Variants in AHCYL2 observed in about 807,000 individuals in gnomAD.
AHCYL2 encodes the protein S-adenosylhomocysteine hydrolase-like protein 2.
In AHCYL2, 28 loss-of-function variants were observed where a neutral mutation model predicts 81.4. The observed-to-expected ratio is 0.34, with a 90% CI of 0.25 to 0.47. AHCYL2 has a LOEUF of 0.47. AHCYL2 is among the 20% of genes least tolerant of loss of function. AHCYL2 has a pLI of 1.00. For missense variants in AHCYL2, 551 were observed against 785.1 expected, an observed-to-expected ratio of 0.70 and a Z score of 3.56; for synonymous variants, 272 against 290.2, an observed-to-expected ratio of 0.94 and a Z score of 0.64.
chr7:129,361,293 G>A lies in AHCYL2; in HGVS notation c.364-18345G>A, dbSNP rs372440856. ...TCCAACACACACCAGGTAACTCCCC[G>A]CTTATCCTTTACCTTTCTGCTTAAA... On this transcript the variant is annotated intron_variant, in intron 1 of 16. Transcript: ENST00000325006. Among the ~76,000 whole-genome samples the A allele has an allele frequency of 1.1e-3, 167 of 152,186 alleles. 5 individuals are homozygous for A. In the South Asian group the frequency reaches 0.033, roughly 30 times the overall value.
chr7:129,295,763 T>A (rs1222545888), intron 1 of AHCYL2, among the ~76,000 whole-genome samples: 1 of 152,208 alleles, frequency 6.6e-6, no homozygotes, highest in Non-Finnish European at 1.5e-5. Context: ...ACTACAGGCA[T>A]CCTCAGAGGG....
chr7:129,297,560 T>C (rs1177929722), intron 1 of AHCYL2, among the ~76,000 whole-genome samples: 1 of 152,210 alleles, frequency 6.6e-6, no homozygotes, highest in Non-Finnish European at 1.5e-5. Context: ...TCTACGTAGC[T>C]CTGGACTACG....
intron 1 of AHCYL2, among the ~76,000 whole-genome samples, chr7:129,257,203 A>G (rs908623293): frequency 7.2e-5 from 11 of 152,244 alleles, no homozygotes; most frequent in African/African-American, 2.7e-4. Flanking sequence ...AAATGTATGC[A>G]GAAGTGTTTT....
chr7:129,343,745 G>A (rs1243150816), intron 1 of AHCYL2, among the ~76,000 whole-genome samples: 3 of 152,124 alleles, frequency 2.0e-5, no homozygotes, highest in Non-Finnish European at 2.9e-5. Context: ...TGACCTTGGG[G>A]TAGGCAAAAC....
rs528319939 is a variant in AHCYL2, at chr7:129,394,634, G to C, written c.721-2588G>C. ...CTAATTTTGTATTTTTAGTAGAGAT[G>C]GGGTTTCTCCATGTTGGTCAGGCTG... On this transcript the variant is annotated intron_variant, in intron 4 of 16. Coordinates refer to ENST00000325006, the MANE Select transcript of AHCYL2 (RefSeq NM_015328.4). 3.4e-4 allele frequency among the ~76,000 whole-genome samples: 51 copies of C among 151,964 alleles called. No individual in the cohort carries two copies. In the Middle Eastern group the frequency reaches 0.014, roughly 41 times the overall value.
chr7:129,330,202 A>G (rs1798368934), intron 1 of AHCYL2, among the ~76,000 whole-genome samples: 2 of 152,024 alleles, frequency 1.3e-5, no homozygotes. Context: ...GGTTTTCACT[A>G]TGTTGGGCTG....
intron 1 of AHCYL2, among the ~76,000 whole-genome samples, chr7:129,293,373 T>C (rs1460239647): frequency 6.6e-6 from 1 of 152,162 alleles, no homozygotes; most frequent in Non-Finnish European, 1.5e-5. Context: ...AACCAGAGTC[T>C]GGCCTTGAAA....
chr7:129,410,383 A>G, intron 11 of AHCYL2: 1 of 1,612,874 alleles, frequency 6.2e-7, no homozygotes, highest in South Asian at 1.1e-5. Context: ...TGAAGTCAAC[A>G]CTAAGGGCCA....
intron 1 of AHCYL2, among the ~76,000 whole-genome samples, chr7:129,273,516 C>T (rs903833362): frequency 5.3e-5 from 8 of 151,430 alleles, no homozygotes; most frequent in Admixed American, 2.0e-4. Context: ...TTAGTAGAGA[C>T]GAGGTTTCTC....
intron 1 of AHCYL2, among the ~76,000 whole-genome samples, chr7:129,309,638 C>T (rs937449596): frequency 6.6e-5 from 10 of 152,276 alleles, no homozygotes; most frequent in East Asian, 1.9e-4. Flanking sequence ...GGTTCTTGTC[C>T]GCTGCCAGCC....
At chr7:129,424,718 C>A in intron 13 of AHCYL2, 156 bp from the exon 14 acceptor site, 1 of 674,940 alleles carries the variant, frequency 1.5e-6, no homozygotes, top group Non-Finnish European at 2.6e-6. Flanking sequence ...ATTTAAATGT[C>A]AGTCAGTTAG....
chr7:129,413,903 A>G (rs541932378), intron 12 of AHCYL2, among the ~76,000 whole-genome samples: 2 of 152,342 alleles, frequency 1.3e-5, no homozygotes, highest in Admixed American at 6.5e-5. Flanking sequence ...GTCATCTTCT[A>G]TTCAAGCTCG....
intron 1 of AHCYL2, among the ~76,000 whole-genome samples, chr7:129,300,683 T>C (rs935932456): frequency 6.6e-6 from 1 of 152,230 alleles, no homozygotes; most frequent in African/African-American, 2.4e-5. Context: ...TGCTGGATTA[T>C]ATGGTGGTTT....
At chr7:129,359,789 A>G (rs1436891485) in intron 1 of AHCYL2, among the ~76,000 whole-genome samples, 1 of 152,206 alleles carries the variant, frequency 6.6e-6, no homozygotes, top group Admixed American at 6.5e-5. Flanking sequence ...GGGTCAGGGA[A>G]ATTGAGAATT....
At chr7:129,255,556 ATTT>A (rs1795386866) in intron 1 of AHCYL2, among the ~76,000 whole-genome samples, 1 of 152,134 alleles carries the variant, frequency 6.6e-6, no homozygotes, top group South Asian at 2.1e-4. Context: ...CACGTCATCT[ATTT>A]ACATGAATGT....
At chr7:129,389,810 C>T (rs1795380386) in intron 4 of AHCYL2, 76 bp downstream of exon 4, 12 of 1,225,770 alleles carry the variant, frequency 9.8e-6, no homozygotes, top group Non-Finnish European at 1.3e-5. Context: ...TACAACATGC[C>T]AAGCACCGAG....
intron 1 of AHCYL2, among the ~76,000 whole-genome samples, chr7:129,274,067 A>G (rs781084667): frequency 2.0e-5 from 3 of 152,220 alleles, no homozygotes; most frequent in Non-Finnish European, 4.4e-5. Context: ...CTCAAGGTGT[A>G]GGACTTGGCT....
intron 4 of AHCYL2, among the ~76,000 whole-genome samples, chr7:129,390,761 C>T (rs945862338): frequency 6.6e-6 from 1 of 152,170 alleles, no homozygotes; most frequent in Non-Finnish European, 1.5e-5. Flanking sequence ...GATACTCCAT[C>T]GTGTCTCATT....
chr7:129,343,528 G>T (rs774974932), intron 1 of AHCYL2, among the ~76,000 whole-genome samples: 1 of 152,134 alleles, frequency 6.6e-6, no homozygotes, highest in Admixed American at 6.5e-5. Flanking sequence ...TCCAGAAATA[G>T]ACCTCTACCT....
Sources: gnomAD v4.1 joint callset for allele counts (sites outside exome capture counted in the v4.1 genomes callset) on GRCh38, gnomAD v4.1.1 for gene constraint, MANE v1.5 for transcripts, NCBI Gene and HGNC (gene_info 2026-07-23, HGNC 2026-07-21) for gene names.